SLC39A8: variants seen among roughly 807,000 people sequenced by gnomAD.
SLC39A8 encodes metal cation symporter ZIP8.
In SLC39A8, 15 loss-of-function variants were observed where a neutral mutation model predicts 40.4. The ratio of observed to expected loss-of-function variants is 0.37; its 90% CI spans 0.25 to 0.57. SLC39A8 has a LOEUF of 0.57. SLC39A8 is among the 20% of genes least tolerant of loss of function. The pLI, the probability that SLC39A8 is intolerant of heterozygous loss-of-function variation, is 0.75. For missense variants in SLC39A8, 472 were observed against 558.8 expected (o/e 0.84, Z 1.57); for synonymous variants, 223 against 221.6 (o/e 1.01, Z -0.06).
downstream of SLC39A8, chr4:102,259,325 G>T: frequency 1.9e-6 from 1 of 517,098 alleles, no homozygotes; most frequent in Non-Finnish European, 3.4e-6. Flanking sequence ...GCCTCACTGG[G>T]GTTTTACTAC....
At chr4:102,289,533 G>C in intron 6 of SLC39A8, among the ~76,000 whole-genome samples, 1 of 152,184 alleles carries the variant, frequency 6.6e-6, no homozygotes. Flanking sequence ...TCTCAGCAAA[G>C]GAAGTTGAAA....
At chr4:102,337,433 T>C (rs1280549489) in intron 2 of SLC39A8, among the ~76,000 whole-genome samples, 1 of 152,042 alleles carries the variant, frequency 6.6e-6, no homozygotes, top group Non-Finnish European at 1.5e-5. Flanking sequence ...AGAACAACCC[T>C]AGGGAACATC....
At position 102,281,791 on chromosome 4, in the gene SLC39A8, A is replaced by G. The variant is rs575069815; in HGVS notation, c.841-13712T>C. ...GAGCGTGAGAAGTAGGAGCCACACA[A>G]GATAAGGGTACCAGGACCACATTCC... On this transcript the variant is annotated intron_variant, in intron 6 of 8. Transcript: ENST00000356736. Among the ~76,000 whole-genome samples, 27 of 152,288 alleles carry G rather than the reference A, an allele frequency of 1.8e-4. 1 individual carries two copies. The South Asian group carries it at 5.6e-3, about 32-fold the overall frequency.
intron 6 of SLC39A8, among the ~76,000 whole-genome samples, chr4:102,294,450 C>A (rs1176796891): frequency 6.6e-6 from 1 of 152,018 alleles, no homozygotes; most frequent in Non-Finnish European, 1.5e-5. Flanking sequence ...AAAAATTCTT[C>A]ATTCTCCACC....
downstream of SLC39A8, among the ~76,000 whole-genome samples, chr4:102,260,634 T>C (rs1044869674): frequency 6.6e-6 from 1 of 152,218 alleles, no homozygotes; most frequent in African/African-American, 2.4e-5. Context: ...GGGACTGCCA[T>C]GCCAACCCTG....
At chr4:102,254,230 C>T (rs1303295142) in intron 11 of SLC39A8, among the ~76,000 whole-genome samples, 1 of 152,174 alleles carries the variant, frequency 6.6e-6, no homozygotes, top group African/African-American at 2.4e-5. Context: ...TGTTCTCTAA[C>T]ATAACACTCT....
Position 102,263,155 on chromosome 4 carries a change from A to C in SLC39A8, c.1272T>G (p.Thr424=), listed in dbSNP as rs1477116942. The C allele has an allele frequency of 6.2e-7, 1 of 1,613,740 alleles. No homozygotes were observed. Reference sequence around the variant, plus strand: ...AGAAGGTGAAATCGGTTTTTCTTCCAGTTACCTTTTCTCTCAGCATATCAT... The same window carrying C: ...AGAAGGTGAAATCGGTTTTTCTTCCCGTTACCTTTTCTCTCAGCATATCAT... The part of the protein sequence containing the change: ...EMNDMLREKV[T]GRKTDFTFFM... Residue 424 remains threonine (T), a synonymous_variant, in exon 9 of 9, where the codon ACT becomes ACG. Transcript: ENST00000356736.
intron 6 of SLC39A8, among the ~76,000 whole-genome samples, chr4:102,287,621 C>T (rs1733240302): frequency 6.6e-6 from 1 of 152,128 alleles, no homozygotes; most frequent in Non-Finnish European, 1.5e-5. Flanking sequence ...TACTCTAGTA[C>T]TCATCACACT....
At chr4:102,309,924 C>T (rs1462654362) in intron 3 of SLC39A8, among the ~76,000 whole-genome samples, 2 of 151,974 alleles carry the variant, frequency 1.3e-5, no homozygotes, top group African/African-American at 4.8e-5. Flanking sequence ...GAAGTCAGAC[C>T]CTCATCACCT....
Position 102,304,790 on chromosome 4 carries a change from T to A in SLC39A8, c.675+199A>T, listed in dbSNP as rs10017306. Among the ~76,000 whole-genome samples, 90,590 of 151,124 alleles carry A rather than the reference T, an allele frequency of 0.6. 27,734 individuals carry two copies. Among genetic ancestry groups the A allele is most frequent in the Middle Eastern group, 0.78 (226 of 290 alleles). On this transcript the variant is annotated intron_variant, in intron 5 of 8. Transcript: ENST00000356736. ...GCTGATACTTGAAAAAAAACAAAAA[T>A]AACCTCCAAATTTTACAACATGAAT...
chr4:102,302,388 G>T (rs1249840142), intron 6 of SLC39A8, among the ~76,000 whole-genome samples: 2 of 151,912 alleles, frequency 1.3e-5, no homozygotes, highest in Non-Finnish European at 2.9e-5. Flanking sequence ...TCCAGTATTT[G>T]CCAAAAGCTT....
Position 102,315,836 on chromosome 4 carries a change from AT to A in SLC39A8, c.220-7del. ...ATCTCTTCAGCAGTTAAACACTGAA[AT>A]AGAATAAACAAAAAAAAAATGTGAT... On this transcript the variant is annotated splice_polypyrimidine_tract_variant and splice_region_variant and intron_variant, in intron 2 of 8. Transcript: ENST00000356736. The A allele has an allele frequency of 6.2e-7, 1 of 1,603,788 alleles. No homozygotes were observed. The highest frequency in any genetic ancestry group is 1.1e-5 in the South Asian group (1 of 89,022).
At chr4:102,291,004 T>C (rs1460804013) in intron 6 of SLC39A8, among the ~76,000 whole-genome samples, 2 of 152,046 alleles carry the variant, frequency 1.3e-5, no homozygotes, top group East Asian at 1.9e-4. Context: ...ATGACTTCCA[T>C]TCTCTTTTGA....
At chr4:102,258,160 A>G (rs746170625), downstream of SLC39A8, among the ~76,000 whole-genome samples, 14 of 148,224 alleles carry the variant, frequency 9.4e-5, no homozygotes, top group Non-Finnish European at 1.9e-4. Flanking sequence ...GCTGGAGTGC[A>G]GTGGCGCGAT....
chr4:102,263,397 TAA>T lies in SLC39A8; in HGVS notation c.1234-206_1234-205del, dbSNP rs544441202. 6.6e-5 allele frequency among the ~76,000 whole-genome samples: 10 copies of T among 152,270 alleles called. 1 individual carries two copies. The highest frequency in any genetic ancestry group is 2.4e-4 in the African/African-American group (10 of 41,550). ...ATATTTGCATTATACTGTAGACTAT[TAA>T]GTGTGCAATAGCATAATATCTAAAA... is the stretch of plus-strand genomic sequence containing the variant. On this transcript the variant is annotated intron_variant, in intron 8 of 8. Coordinates refer to ENST00000356736, the MANE Select transcript of SLC39A8 (RefSeq NM_001135146.2).
At chr4:102,293,775 TCTCCA>T (rs1233229673) in intron 6 of SLC39A8, among the ~76,000 whole-genome samples, 3 of 151,800 alleles carry the variant, frequency 2.0e-5, no homozygotes, top group African/African-American at 7.3e-5. Flanking sequence ...TCAATGAAAA[TCTCCA>T]CAATGATATT....
chr4:102,300,785 A>C (rs1296383237), intron 6 of SLC39A8, among the ~76,000 whole-genome samples: 3 of 151,898 alleles, frequency 2.0e-5, no homozygotes, highest in African/African-American at 4.8e-5. Flanking sequence ...TATTTTTATA[A>C]TATAAAATAT....
At chr4:102,337,779 A>G (rs1735739748) in intron 2 of SLC39A8, among the ~76,000 whole-genome samples, 1 of 152,242 alleles carries the variant, frequency 6.6e-6, no homozygotes, top group South Asian at 2.1e-4. Flanking sequence ...GAAAGGTTTC[A>G]TACTAGACAT....
At chr4:102,315,558 T>C (rs1401890419) in intron 3 of SLC39A8, 110 bp downstream of exon 3, 3 of 900,086 alleles carry the variant, frequency 3.3e-6, no homozygotes, top group Non-Finnish European at 4.9e-6. Flanking sequence ...TCGAAGAAGT[T>C]CTATGTAGAT....
Sources: allele counts gnomAD v4.1 joint callset (sites outside exome capture counted in the v4.1 genomes callset), GRCh38; gene constraint gnomAD v4.1.1; transcripts MANE v1.5; gene names NCBI Gene and HGNC (gene_info 2026-07-23, HGNC 2026-07-21).